Variants in DDAH1 observed in about 807,000 individuals in gnomAD.
The protein encoded by DDAH1 is dimethylarginine dimethylaminohydrolase 1, also known as N(G),N(G)-dimethylarginine dimethylaminohydrolase 1.
Under a neutral mutation model 28.8 loss-of-function variants are expected in DDAH1, and 19 were observed. That is an observed-to-expected ratio of 0.66 (90% CI 0.46 to 0.97). DDAH1 has a LOEUF of 0.97. Among genes scored for constraint, DDAH1 ranks in the 50% least tolerant of loss-of-function variants. The probability of loss-of-function intolerance (pLI) is 0.00; values close to 1 mark genes in which losing one functional copy is unlikely to be tolerated. For missense variants in DDAH1, 326 were observed against 375.9 expected (o/e 0.87, Z 1.10); for synonymous variants, 153 against 154.4 (o/e 0.99, Z 0.07).
intron 1 of DDAH1, among the ~76,000 whole-genome samples, chr1:85,498,656 T>G (rs546093543): frequency 6.6e-6 from 1 of 152,186 alleles, no homozygotes; most frequent in African/African-American, 2.4e-5. Context: ...TGGTGGCTCA[T>G]GCCTATAATC....
rs576838937 is a variant in DDAH1 at position 85,536,226 on chromosome 1, ATC to A, written c.-122-39947_-122-39946del. Among the ~76,000 whole-genome samples, 26 of 151,982 alleles carry A rather than the reference ATC, an allele frequency of 1.7e-4. No homozygotes were observed. The South Asian group carries it at 5.2e-3, about 30-fold the overall frequency. ...TACTTCAGACTGGGTGACAAAGTGA[ATC>A]TCTGTCTCAAATAAAAATAAAAAAA... On this transcript the variant is annotated intron_variant, in intron 1 of 6. Transcript: ENST00000426972.
intron 4 of DDAH1, among the ~76,000 whole-genome samples, chr1:85,330,552 C>G (rs902629290): frequency 1.3e-5 from 2 of 152,144 alleles, no homozygotes; most frequent in Admixed American, 1.3e-4. Context: ...ACCCTCCACA[C>G]GTCACCACAA....
intron 2 of DDAH1, among the ~76,000 whole-genome samples, chr1:85,356,201 A>G (rs756730052): frequency 5.9e-5 from 9 of 152,180 alleles, no homozygotes; most frequent in African/African-American, 9.7e-5. Flanking sequence ...AATGTACTCT[A>G]TATTTCACAA....
At chr1:85,383,183 A>G (rs3920521) in intron 1 of DDAH1, among the ~76,000 whole-genome samples, 1 of 152,054 alleles carries the variant, frequency 6.6e-6, no homozygotes. Flanking sequence ...GGAAAGGATT[A>G]ATCATTCTAG....
chr1:85,332,402 C>T (rs1192261945), intron 4 of DDAH1, among the ~76,000 whole-genome samples: 1 of 152,176 alleles, frequency 6.6e-6, no homozygotes, highest in Non-Finnish European at 1.5e-5. Context: ...TTTCCTGGGG[C>T]CACTGTCAAT....
At chr1:85,502,803 A>T (rs72724680) in intron 1 of DDAH1, among the ~76,000 whole-genome samples, 39,211 of 152,048 alleles carry the variant, frequency 0.26, 5,897 homozygotes, top group Middle Eastern at 0.48. Context: ...TTCTCCAGAG[A>T]TAGCCCTGCC....
intron 1 of DDAH1, among the ~76,000 whole-genome samples, chr1:85,530,990 CAAAAAAA>C (rs56149686): frequency 1.1e-3 from 50 of 43,634 alleles, no homozygotes; most frequent in South Asian, 3.6e-3. Context: ...GACTCTGTCT[CAAAAAAA>C]AAAAAAAAAA....
At chr1:85,437,902 C>A (rs569578463) in intron 1 of DDAH1, among the ~76,000 whole-genome samples, 1 of 152,256 alleles carries the variant, frequency 6.6e-6, no homozygotes, top group Admixed American at 6.5e-5. Flanking sequence ...GAACTTCTCA[C>A]AATAGCAAAG....
At chr1:85,553,679 A>T (rs72944606) in intron 1 of DDAH1, among the ~76,000 whole-genome samples, 8,162 of 152,288 alleles carry the variant, frequency 0.054, 702 homozygotes, top group African/African-American at 0.19. Flanking sequence ...TTTCTGATAG[A>T]CAGTACAGTC....
At position 85,464,158 on chromosome 1, in the gene DDAH1, A is replaced by G. The variant is rs1655246166; in HGVS notation, c.303+585T>C. On this transcript the variant is annotated intron_variant, in intron 1 of 5. Coordinates refer to ENST00000284031, the MANE Select transcript of DDAH1 (RefSeq NM_012137.4). The surrounding 1 kb of genome is among the most constrained non-coding windows in gnomAD (Gnocchi z 4.4). ...ACACATTTAGCACAGCTCACCAACA[A>G]AACACTTTTCCTTCCATTCATTCAC... Among the ~76,000 whole-genome samples, 1 of 152,104 alleles carries G rather than the reference A, an allele frequency of 6.6e-6. No homozygotes were observed. The highest frequency in any genetic ancestry group is 2.4e-5 in the African/African-American group (1 of 41,416).
intron 2 of DDAH1, among the ~76,000 whole-genome samples, chr1:85,355,911 T>G (rs764018087): frequency 2.6e-5 from 4 of 152,224 alleles, no homozygotes; most frequent in Non-Finnish European, 5.9e-5. Context: ...AGGTATCTTG[T>G]AGCTTTATAA....
intron 1 of DDAH1, among the ~76,000 whole-genome samples, chr1:85,397,366 T>C (rs1011786619): frequency 1.3e-5 from 2 of 152,202 alleles, no homozygotes; most frequent in Non-Finnish European, 2.9e-5. Flanking sequence ...TTTGTAGAAC[T>C]CTAAGAAAGA....
rs1382596442 is a variant in DDAH1 at position 85,372,970 on chromosome 1, G to A, written c.304-14123C>T. ...GTTGAACAAAGCACACAATCTGTCG[G>A]CAAAAAACCACTATTAGTTTAATAG... is the stretch of plus-strand genomic sequence containing the variant. On this transcript the variant is annotated intron_variant, in intron 1 of 5. Transcript: ENST00000284031. Among the ~76,000 whole-genome samples the A allele has an allele frequency of 3.0e-5, 4 of 132,556 alleles. No homozygotes were observed. The Admixed American group carries it at 3.0e-4, about 10-fold the overall frequency. The allele number at this position is 132,556 out of a possible 152,430, so 87.0% of individuals were successfully genotyped here.
chr1:85,520,973 T>C (rs1272803090), intron 1 of DDAH1, among the ~76,000 whole-genome samples: 1 of 152,136 alleles, frequency 6.6e-6, no homozygotes, highest in Non-Finnish European at 1.5e-5. Context: ...AAATGGGAAA[T>C]GCTGATGGAG....
chr1:85,515,149 G>A (rs1451494107), intron 1 of DDAH1, among the ~76,000 whole-genome samples: 11 of 150,144 alleles, frequency 7.3e-5, no homozygotes, highest in Non-Finnish European at 1.3e-4. Context: ...CAGCACTTTG[G>A]GGGGCCAAGG....
chr1:85,332,570 G>A (rs1256352869), intron 4 of DDAH1, among the ~76,000 whole-genome samples: 1 of 152,082 alleles, frequency 6.6e-6, no homozygotes. Flanking sequence ...GGGCCCCATG[G>A]GGGGCCTGAG....
intron 4 of DDAH1, among the ~76,000 whole-genome samples, chr1:85,342,283 G>T (rs971791443): frequency 6.6e-6 from 1 of 152,042 alleles, no homozygotes; most frequent in Non-Finnish European, 1.5e-5. Flanking sequence ...AAAAAGTAAG[G>T]TATTCTCTAA....
intron 1 of DDAH1, among the ~76,000 whole-genome samples, chr1:85,416,513 A>C (rs1251440946): frequency 3.3e-5 from 5 of 152,082 alleles, no homozygotes; most frequent in African/African-American, 1.2e-4. Flanking sequence ...GTATTTGACT[A>C]GTTTGATTAT....
chr1:85,401,694 G>A (rs1371397684), intron 1 of DDAH1, among the ~76,000 whole-genome samples: 1 of 151,400 alleles, frequency 6.6e-6, no homozygotes, highest in Non-Finnish European at 1.5e-5. Context: ...GTAGAGATGG[G>A]GTTTCACCAC....
Sources: gnomAD v4.1 joint callset for allele counts (sites outside exome capture counted in the v4.1 genomes callset) on GRCh38, gnomAD v4.1.1 for gene constraint, Gnocchi (gnomAD v3.1) non-coding constraint, MANE v1.5 for transcripts, NCBI Gene and HGNC (gene_info 2026-07-23, HGNC 2026-07-21) for gene names.